Variants in PRDM10 observed in about 807,000 individuals in gnomAD.
The protein encoded by PRDM10 is PR/SET domain 10.
A neutral mutation model predicts 133.1 loss-of-function variants in PRDM10; 65 were observed. The ratio of observed to expected loss-of-function variants is 0.49; its 90% confidence interval spans 0.40 to 0.60. PRDM10 has a LOEUF of 0.60. PRDM10 is among the 20% of genes least tolerant of loss of function. PRDM10 has a pLI of 0.00. For synonymous variants in PRDM10, 582 were observed against 580.4 expected, an observed-to-expected ratio of 1.00 and a Z score of -0.04; for missense variants, 1,137 against 1,507.1, an observed-to-expected ratio of 0.75 and a Z score of 4.07.
rs1309260149 is a variant in PRDM10, at chr11:129,901,376, T to C, written c.*937A>G. On this transcript the variant is annotated 3_prime_UTR_variant, in exon 21 of 21. Coordinates refer to ENST00000360871, the MANE Select transcript of PRDM10 (RefSeq NM_199437.2). Reference sequence around the variant, plus strand: ...ATGTCAGCAAGAGTTAAATGTACACTTGGTAAGAACAAGGAATATATCCTT... The same window carrying C: ...ATGTCAGCAAGAGTTAAATGTACACCTGGTAAGAACAAGGAATATATCCTT... 6.6e-6 allele frequency: 1 copy of C among 152,644 alleles called. No individual in the cohort carries two copies. Among genetic ancestry groups the C allele is most frequent in the Non-Finnish European group, 1.5e-5 (1 of 68,040 alleles). 9.5% of individuals were successfully genotyped at this position (152,644 alleles called of 1,614,324 possible).
chr11:129,904,501 C>T (rs11221893), intron 20 of PRDM10, among the ~76,000 whole-genome samples: 1 of 151,396 alleles, frequency 6.6e-6, no homozygotes, highest in Non-Finnish European at 1.5e-5. Context: ...GAGTATTTTT[C>T]TTTTTTTTTC....
chr11:129,918,545 G>A lies in PRDM10; in HGVS notation c.2208C>T (p.Gly736=), dbSNP rs1950427556. ...RLCMMGFRRR[G]MLVNHLSKRH... is the part of the protein sequence containing the mutation. ...GCAGCCACTGGGCACTGACCAGCAT[G>A]CCGCGCCGCCGGAAGCCCATCATGC... Residue 736 remains glycine, a synonymous_variant, in exon 14 of 21, where the codon GGC becomes GGT. Transcript: ENST00000360871. This position sits in a 1 kb window ranked among gnomAD's most constrained non-coding sequence, Gnocchi z 5.3. 2 of 1,613,694 alleles carry A rather than the reference G, an allele frequency of 1.2e-6. No individual in the cohort carries two copies. Among genetic ancestry groups the A allele is most frequent in the Non-Finnish European group, 1.7e-6 (2 of 1,179,820 alleles).
intron 7 of PRDM10, among the ~76,000 whole-genome samples, chr11:129,941,782 A>G (rs1227568585): frequency 6.6e-6 from 1 of 152,264 alleles, no homozygotes; most frequent in African/African-American, 2.4e-5. Context: ...TTCTGATCAC[A>G]TTTAAGGCAG....
intron 11 of PRDM10, chr11:129,929,509 G>T (rs991355542): frequency 1.5e-5 from 18 of 1,169,764 alleles, no homozygotes; most frequent in Non-Finnish European, 2.0e-5. Context: ...TACCAATCTG[G>T]ATAGAAAAGA....
At chr11:129,952,346 C>A (rs1951602245) in intron 4 of PRDM10, among the ~76,000 whole-genome samples, 1 of 152,130 alleles carries the variant, frequency 6.6e-6, no homozygotes, top group Non-Finnish European at 1.5e-5. Flanking sequence ...GGAAATGGGG[C>A]ACCCTTGTAT....
chr11:129,974,523 A>T (rs1018997856), intron 1 of PRDM10, among the ~76,000 whole-genome samples: 1 of 152,178 alleles, frequency 6.6e-6, no homozygotes, highest in Non-Finnish European at 1.5e-5. Flanking sequence ...GAGAGAAAGA[A>T]AAACTAAAGA....
At chr11:129,908,323 A>T (rs916796922) in intron 19 of PRDM10, among the ~76,000 whole-genome samples, 1 of 152,104 alleles carries the variant, frequency 6.6e-6, no homozygotes, top group East Asian at 1.9e-4. Context: ...AAGTTCAAAA[A>T]TTAGACTACA....
At chr11:129,944,533 C>G (rs546879499) in intron 6 of PRDM10, among the ~76,000 whole-genome samples, 7 of 150,070 alleles carry the variant, frequency 4.7e-5, no homozygotes, top group East Asian at 3.9e-4. Context: ...TGCAGTGAGC[C>G]GAGATCGCGC....
In PRDM10 at chr11:129,924,075, G is replaced by A. The variant is rs149244633; in HGVS notation, c.1879-672C>T. Among the ~76,000 whole-genome samples the A allele has an allele frequency of 4.1e-3, 624 of 152,338 alleles. 10 individuals carry two copies. Among genetic ancestry groups the A allele is most frequent in the African/African-American group, 0.014 (594 of 41,586 alleles). On this transcript the variant is annotated intron_variant, in intron 12 of 20. Transcript: ENST00000360871. Reference sequence around the variant, plus strand: ...ACATATCCAATGAGAAAGAGCTGAGGATGGAAGCTAAGTAGTGAGTCTTAC... The same window carrying A: ...ACATATCCAATGAGAAAGAGCTGAGAATGGAAGCTAAGTAGTGAGTCTTAC...
Position 129,932,139 on chromosome 11 carries a change from G to C in PRDM10, c.1250C>G (p.Thr417Ser). Reference protein sequence around the residue: ...RPPKFIRLEITSENGEKSDDG... With the variant: ...RPPKFIRLEISSENGEKSDDG... ...GTCACTCTTTTCCCCATTTTCGCTGGTGATTTCCAGGCGGATAAATTTTGG... is the reference window on the plus strand; with the variant it reads ...GTCACTCTTTTCCCCATTTTCGCTGCTGATTTCCAGGCGGATAAATTTTGG... The change falls in exon 10 of 21, where the codon ACC becomes AGC. Residue 417 changes from threonine (T) to serine (S), a missense_variant. Around this residue, in one of 6 missense-constraint regions of PRDM10, gnomAD observed 635 missense variants for 835.2 expected, o/e 0.76. Coordinates refer to ENST00000360871, the MANE Select transcript of PRDM10 (RefSeq NM_199437.2). 6.2e-7 allele frequency: 1 copy of C among 1,614,048 alleles called. No individual in the cohort carries two copies. The highest frequency in any genetic ancestry group is 1.3e-5 in the African/African-American group (1 of 74,992).
chr11:129,985,773 C>A (rs112046863), intron 1 of PRDM10, among the ~76,000 whole-genome samples: 3,174 of 36,958 alleles, frequency 0.086, 175 homozygotes, highest in African/African-American at 0.24. Context: ...CAAAGACAAA[C>A]CCTGTCCAAA....
In PRDM10 at chr11:129,991,047, A is replaced by C. The variant is rs77288406; in HGVS notation, c.-119+11675T>G. 8.0e-3 allele frequency among the ~76,000 whole-genome samples: 1,225 copies of C among 152,314 alleles called. 6 individuals carry two copies. The highest frequency in any genetic ancestry group is 0.014 in the Middle Eastern group (4 of 294). On this transcript the variant is annotated intron_variant, in intron 1 of 20. Coordinates refer to ENST00000360871, the MANE Select transcript of PRDM10 (RefSeq NM_199437.2). ...AAAGGTACCTTCCATTAGCTGAGGC[A>C]TTTCTTGAAGTGGAAAAAGAATGTG...
chr11:129,989,209 G>C (rs1004732902), intron 1 of PRDM10, among the ~76,000 whole-genome samples: 1 of 152,148 alleles, frequency 6.6e-6, no homozygotes, highest in South Asian at 2.1e-4. Flanking sequence ...GGAGGCTGAG[G>C]GGGGATGATG....
chr11:129,937,726 A>G, intron 7 of PRDM10, 56 bp from the exon 8 acceptor site: 1 of 1,465,766 alleles, frequency 6.8e-7, no homozygotes, highest in African/African-American at 1.4e-5. Flanking sequence ...TGTTCTTTGC[A>G]TGCTTAAATT....
At chr11:129,913,268 A>G (rs922011217) in intron 17 of PRDM10, among the ~76,000 whole-genome samples, 3 of 151,926 alleles carry the variant, frequency 2.0e-5, no homozygotes, top group African/African-American at 7.3e-5. Flanking sequence ...ATATATGCCA[A>G]CAGAAATAGA....
chr11:129,981,845 G>A (rs997613014), intron 1 of PRDM10, among the ~76,000 whole-genome samples: 6 of 151,996 alleles, frequency 3.9e-5, no homozygotes, highest in African/African-American at 7.3e-5. Context: ...GCAGTGAGCC[G>A]AGATCGCATT....
At chr11:129,953,188 G>A (rs1951622132) in intron 4 of PRDM10, among the ~76,000 whole-genome samples, 1 of 152,102 alleles carries the variant, frequency 6.6e-6, no homozygotes, top group East Asian at 1.9e-4. Context: ...ATGTTGGCCA[G>A]GCTGGTATCA....
Position 129,947,760 on chromosome 11 carries a change from A to G in PRDM10, c.295-390T>C, listed in dbSNP as rs1345574767. The G allele has an allele frequency of 2.6e-6, 1 of 380,884 alleles. No homozygotes were observed. The highest frequency in any genetic ancestry group is 2.1e-5 in the African/African-American group (1 of 48,216). The allele number at this position is 380,884 out of a possible 1,614,324, so 23.6% of individuals were successfully genotyped here. On this transcript the variant is annotated intron_variant, in intron 4 of 20. Coordinates refer to ENST00000360871, the MANE Select transcript of PRDM10 (RefSeq NM_199437.2). The surrounding 1 kb of genome is among the most constrained non-coding windows in gnomAD (Gnocchi z 4.6). ...TCTTCCTGGCTCATTCAGCCGTTTC[A>G]CACTGCTTGAGAGGCCTGCCCTGTC...
In PRDM10 at chr11:129,957,733, A is replaced by T; in HGVS notation, c.234+13T>A. The T allele has an allele frequency of 6.3e-7, 1 of 1,598,904 alleles. No individual in the cohort carries two copies. ...TTAATTGACAAATTATCAACAGATA[A>T]CCCTTCACATGCCTGTGCAGCTTCC... is the stretch of plus-strand genomic sequence containing the variant. On this transcript the variant is annotated intron_variant, in intron 3 of 20. Coordinates refer to ENST00000360871, the MANE Select transcript of PRDM10 (RefSeq NM_199437.2).
Sources: allele counts gnomAD v4.1 joint callset (sites outside exome capture counted in the v4.1 genomes callset), GRCh38; gene constraint gnomAD v4.1.1; regional missense constraint gnomAD v4.1.1; non-coding constraint Gnocchi (gnomAD v3.1); transcripts MANE v1.5; gene names NCBI Gene and HGNC (gene_info 2026-07-23, HGNC 2026-07-21).